Variants in BMP5 observed in about 807,000 individuals in gnomAD.
BMP5 encodes bone morphogenetic protein 5.
Under a neutral mutation model 46.6 loss-of-function variants are expected in BMP5, and 23 were observed. The ratio of observed to expected loss-of-function variants is 0.49; its 90% CI spans 0.35 to 0.70. The LOEUF (loss-of-function observed/expected upper bound fraction) is 0.70. Ranked by LOEUF, BMP5 falls within the 30% of genes least tolerant of loss-of-function variation. BMP5 has a pLI of 0.00. For synonymous variants in BMP5, 204 were observed against 191.9 expected (o/e 1.06, Z -0.52); for missense variants, 545 against 565.6 (o/e 0.96, Z 0.37).
At chr6:55,856,121 T>A (rs1777390389) in intron 1 of BMP5, among the ~76,000 whole-genome samples, 1 of 152,234 alleles carries the variant, frequency 6.6e-6, no homozygotes, top group African/African-American at 2.4e-5. Context: ...TAGAATTTCA[T>A]ACAAATGAAA....
intron 1 of BMP5, among the ~76,000 whole-genome samples, chr6:55,836,760 C>G (rs1011426627): frequency 6.6e-6 from 1 of 152,022 alleles, no homozygotes; most frequent in Non-Finnish European, 1.5e-5. Context: ...GTCAACTCTA[C>G]GTTCACACAG....
intron 4 of BMP5, among the ~76,000 whole-genome samples, chr6:55,766,190 T>C (rs1411669261): frequency 6.6e-6 from 1 of 152,126 alleles, no homozygotes; most frequent in East Asian, 1.9e-4. Flanking sequence ...TTCCTCAATG[T>C]CCTCTTCTGC....
At chr6:55,798,043 G>C (rs1490808159) in intron 2 of BMP5, among the ~76,000 whole-genome samples, 1 of 152,164 alleles carries the variant, frequency 6.6e-6, no homozygotes, top group Non-Finnish European at 1.5e-5. Flanking sequence ...CGGAGGAAAA[G>C]ATCTGTTCCA....
chr6:55,836,642 A>G (rs1459621350), intron 1 of BMP5, among the ~76,000 whole-genome samples: 4 of 151,408 alleles, frequency 2.6e-5, no homozygotes, highest in Non-Finnish European at 5.9e-5. Flanking sequence ...ACACACACAC[A>G]CACACACACA....
intron 1 of BMP5, among the ~76,000 whole-genome samples, chr6:55,847,477 G>A (rs1288316287): frequency 6.6e-6 from 1 of 151,784 alleles, no homozygotes; most frequent in Non-Finnish European, 1.5e-5. Context: ...GGAATGCAAC[G>A]GCCTTAAAGG....
At chr6:55,777,780 G>A (rs1422445610) in intron 3 of BMP5, among the ~76,000 whole-genome samples, 3 of 151,928 alleles carry the variant, frequency 2.0e-5, no homozygotes, top group South Asian at 2.1e-4. Context: ...TTCAATAGAT[G>A]CATGTTTAAC....
chr6:55,837,366 GATA>G (rs780381969), intron 1 of BMP5, among the ~76,000 whole-genome samples: 2,448 of 150,192 alleles, frequency 0.016, 64 homozygotes, highest in African/African-American at 0.056. Flanking sequence ...TAGATAGATA[GATA>G]GATAGATAGA....
At position 55,755,691 on chromosome 6, in the gene BMP5, G is replaced by GA. The variant is rs770370253; in HGVS notation, c.1216-10dup. On this transcript the variant is annotated splice_polypyrimidine_tract_variant and intron_variant, in intron 6 of 6. Coordinates refer to ENST00000370830, the MANE Select transcript of BMP5 (RefSeq NM_021073.4). ...GGAAACATCAGATGAACCTGGGAAA[G>GA]AAAAAAGGTTTTGTTTTATTAAGAA... 129 of 1,609,398 alleles carry GA rather than the reference G, an allele frequency of 8.0e-5. 1 individual carries two copies. The highest frequency in any genetic ancestry group is 1.0e-4 in the Non-Finnish European group (121 of 1,177,414).
chr6:55,797,575 G>A (rs1775745504), intron 2 of BMP5, among the ~76,000 whole-genome samples: 1 of 150,412 alleles, frequency 6.6e-6, no homozygotes, highest in South Asian at 2.1e-4. Context: ...ATGTGCATAA[G>A]CAAATATTTC....
At chr6:55,772,726 G>A in intron 4 of BMP5, 1 of 982,962 alleles carries the variant, frequency 1.0e-6, no homozygotes, top group Non-Finnish European at 1.2e-6. Flanking sequence ...TTTCTTTGTT[G>A]GAAAATTATT....
At chr6:55,865,326 C>T (rs544189852) in intron 1 of BMP5, 4 of 428,574 alleles carry the variant, frequency 9.3e-6, no homozygotes, top group South Asian at 6.7e-5. Flanking sequence ...AATTAGTTTC[C>T]CCTCCTTAAC....
intron 2 of BMP5, among the ~76,000 whole-genome samples, chr6:55,818,745 T>A (rs746309794): frequency 6.6e-6 from 1 of 151,934 alleles, no homozygotes; most frequent in African/African-American, 2.4e-5. Context: ...ACTGCAAATA[T>A]TGTCAACAAG....
At chr6:55,819,924 G>A (rs991368596) in intron 1 of BMP5, 77 bp from the exon 2 acceptor site, 1 of 1,275,458 alleles carries the variant, frequency 7.8e-7, no homozygotes, top group Non-Finnish European at 1.1e-6. Context: ...AAATTCTCCA[G>A]CTTTGAAAGA....
chr6:55,831,386 AT>A (rs909328214), intron 1 of BMP5, among the ~76,000 whole-genome samples: 10 of 152,106 alleles, frequency 6.6e-5, no homozygotes, highest in African/African-American at 2.4e-4. Flanking sequence ...GTAAAAATTG[AT>A]TTTTTTAAGG....
chr6:55,839,846 C>T (rs1467133362), intron 1 of BMP5, among the ~76,000 whole-genome samples: 5 of 152,088 alleles, frequency 3.3e-5, no homozygotes, highest in African/African-American at 1.2e-4. Flanking sequence ...AACAGGAGCT[C>T]TGCCTCCTCC....
At chr6:55,844,027 A>C (rs767137446) in intron 1 of BMP5, among the ~76,000 whole-genome samples, 6 of 152,026 alleles carry the variant, frequency 3.9e-5, no homozygotes, top group Non-Finnish European at 5.9e-5. Flanking sequence ...TCTAGGGAGA[A>C]GCTTGAATAT....
chr6:55,872,719 A>G (rs1417002532), intron 1 of BMP5, among the ~76,000 whole-genome samples: 1 of 151,818 alleles, frequency 6.6e-6, no homozygotes, highest in Non-Finnish European at 1.5e-5. Flanking sequence ...AATATGTAAC[A>G]TACATATGCT....
At chr6:55,868,967 C>A (rs1409902653) in intron 1 of BMP5, among the ~76,000 whole-genome samples, 1 of 152,146 alleles carries the variant, frequency 6.6e-6, no homozygotes, top group African/African-American at 2.4e-5. Context: ...ACTTAAGGTG[C>A]AAAGAAGCAC....
At position 55,754,188 on chromosome 6, in the gene BMP5, C is replaced by T. The variant is rs1204502301; in HGVS notation, c.*1345G>A. The T allele has an allele frequency of 6.6e-6, 1 of 151,806 alleles. No homozygotes were observed. Among genetic ancestry groups the T allele is most frequent in the East Asian group, 1.9e-4 (1 of 5,144 alleles). The allele number at this position is 151,806 out of a possible 1,614,324, so 9.4% of individuals were successfully genotyped here. ...GTAAATAAGCCTAACCACAGAGTCA[C>T]CATAAATAGCAAGTTATCAATCTAA... On this transcript the variant is annotated 3_prime_UTR_variant, in exon 7 of 7. Transcript: ENST00000370830.
Sources: gnomAD v4.1 joint callset for allele counts (sites outside exome capture counted in the v4.1 genomes callset) on GRCh38, gnomAD v4.1.1 for gene constraint, MANE v1.5 for transcripts, NCBI Gene and HGNC (gene_info 2026-07-23, HGNC 2026-07-21) for gene names.